Variants in PTPRK observed in about 807,000 individuals in gnomAD.
The protein encoded by PTPRK is protein tyrosine phosphatase receptor type K.
In PTPRK, 75 loss-of-function variants were observed where a neutral mutation model predicts 178.0. The ratio of observed to expected loss-of-function variants is 0.42; its 90% CI spans 0.35 to 0.51. The LOEUF (loss-of-function observed/expected upper bound fraction) is 0.51, where lower values mean the gene tolerates loss of function less well. PTPRK is among the 20% of genes least tolerant of loss of function. The pLI, the probability that PTPRK is intolerant of heterozygous loss-of-function variation, is 0.02. For missense variants in PTPRK, 1,441 were observed against 1,797.8 expected, an observed-to-expected ratio of 0.80 and a Z score of 3.59; for synonymous variants, 637 against 620.6, an observed-to-expected ratio of 1.03 and a Z score of -0.39.
At chr6:128,206,311 T>G (rs932982584) in intron 6 of PTPRK, among the ~76,000 whole-genome samples, 1 of 150,720 alleles carries the variant, frequency 6.6e-6, no homozygotes, top group South Asian at 2.1e-4. Context: ...AGAAACATAT[T>G]ATAAGAATCA....
intron 13 of PTPRK, chr6:128,062,293 C>A (rs1471337155): frequency 6.0e-6 from 1 of 166,474 alleles, no homozygotes; most frequent in Non-Finnish European, 1.5e-5. Context: ...CTCACTGCAG[C>A]CTCAAATTCC....
intron 1 of PTPRK, among the ~76,000 whole-genome samples, chr6:128,416,541 G>T (rs1254617305): frequency 6.6e-6 from 1 of 151,696 alleles, no homozygotes; most frequent in African/African-American, 2.4e-5. Flanking sequence ...CAGCTACTCG[G>T]GAGGGCTGAG....
chr6:128,257,846 G>C (rs1172829873), intron 3 of PTPRK, among the ~76,000 whole-genome samples: 1 of 151,954 alleles, frequency 6.6e-6, no homozygotes, highest in Non-Finnish European at 1.5e-5. Context: ...AGGTGTGATG[G>C]AAATTCATTT....
chr6:127,999,776 A>T (rs1387793748), intron 15 of PTPRK, among the ~76,000 whole-genome samples: 2 of 152,088 alleles, frequency 1.3e-5, no homozygotes, highest in African/African-American at 4.8e-5. Context: ...CCCAGTACAG[A>T]GACAGAATAT....
rs1445715492 is a variant in PTPRK, at chr6:127,998,884, C to T, written c.2515G>A (p.Ala839Thr). ...SPRYENHSAT[A>T]ESSRLLDVPR... The stretch of plus-strand genomic sequence containing the variant: ...ACGTCTAGAAGGCGACTGGACTCTG[C>T]TGTAGCACTGTGGTTCTCATCTGGC... Residue 839 changes from alanine to threonine, a missense_variant, in exon 16 of 30, where the codon GCA becomes ACA. By Grantham distance (58) the Ala-to-Thr change is moderately conservative (BLOSUM62 0). This residue lies in a region of PTPRK where 945 missense variants were observed against 1,080.6 expected (regional missense o/e 0.87). Coordinates refer to ENST00000368226, the MANE Select transcript of PTPRK (RefSeq NM_002844.4). The T allele has an allele frequency of 4.5e-6, 7 of 1,544,394 alleles. No homozygotes were observed. Among genetic ancestry groups the T allele is most frequent in the Non-Finnish European group, 4.4e-6 (5 of 1,141,534 alleles).
intron 13 of PTPRK, chr6:128,063,342 G>A (rs1781193423): frequency 6.6e-6 from 1 of 151,840 alleles, no homozygotes; most frequent in South Asian, 2.1e-4. Context: ...AATTTGTATC[G>A]AGAGAGCGAT....
intron 2 of PTPRK, among the ~76,000 whole-genome samples, chr6:128,350,501 C>G (rs1832979867): frequency 6.6e-6 from 1 of 152,128 alleles, no homozygotes; most frequent in Non-Finnish European, 1.5e-5. Context: ...CCAACGACCA[C>G]TGATAGAATC....
chr6:128,407,017 A>G (rs1357207837), intron 1 of PTPRK, among the ~76,000 whole-genome samples: 1 of 152,196 alleles, frequency 6.6e-6, no homozygotes. Context: ...GTTCATTTCT[A>G]TACCAACAAA....
intron 1 of PTPRK, among the ~76,000 whole-genome samples, chr6:128,453,858 T>C (rs1848087372): frequency 1.3e-5 from 2 of 152,056 alleles, no homozygotes; most frequent in South Asian, 2.1e-4. Flanking sequence ...TGAAAACTGA[T>C]ACATAAGGAA....
chr6:128,141,418 A>G (rs1795750947), intron 7 of PTPRK, among the ~76,000 whole-genome samples: 1 of 151,940 alleles, frequency 6.6e-6, no homozygotes, highest in Admixed American at 6.6e-5. Flanking sequence ...GTTACAAAGA[A>G]CATTGTGAAA....
At chr6:128,060,012 A>G (rs565505584) in intron 13 of PTPRK, among the ~76,000 whole-genome samples, 99 of 152,236 alleles carry the variant, frequency 6.5e-4, no homozygotes, top group Admixed American at 2.5e-3. Flanking sequence ...TGACTTGGCT[A>G]TTTCTCTAGG....
At chr6:128,481,341 AT>A (rs1852051372) in intron 1 of PTPRK, among the ~76,000 whole-genome samples, 1 of 151,992 alleles carries the variant, frequency 6.6e-6, no homozygotes. Context: ...CTTTTTTCAT[AT>A]TTGCAATTTT....
intron 2 of PTPRK, among the ~76,000 whole-genome samples, chr6:128,335,697 T>C (rs1830826323): frequency 6.6e-6 from 1 of 152,014 alleles, no homozygotes; most frequent in East Asian, 1.9e-4. Context: ...TAAAAGCGAA[T>C]GGTGCCATCT....
At chr6:128,098,261 T>A (rs1420635434) in intron 7 of PTPRK, among the ~76,000 whole-genome samples, 1 of 152,174 alleles carries the variant, frequency 6.6e-6, no homozygotes, top group Admixed American at 6.5e-5. Context: ...GTTGTCACAC[T>A]GTTTGCCATG....
chr6:128,114,393 G>A (rs1023650824), intron 7 of PTPRK, among the ~76,000 whole-genome samples: 3 of 151,824 alleles, frequency 2.0e-5, no homozygotes, highest in South Asian at 2.1e-4. Flanking sequence ...GGAGGTGGGC[G>A]GATCACCTAA....
At chr6:128,011,600 T>C (rs201453920) in intron 13 of PTPRK, among the ~76,000 whole-genome samples, 1 of 151,076 alleles carries the variant, frequency 6.6e-6, no homozygotes, top group East Asian at 1.9e-4. Flanking sequence ...ATATAAACTA[T>C]CATCATGAAG....
chr6:128,308,306 TAGAG>T (rs1385156623), intron 3 of PTPRK, among the ~76,000 whole-genome samples: 11 of 151,996 alleles, frequency 7.2e-5, no homozygotes, highest in African/African-American at 9.7e-5. Flanking sequence ...AAGTGATTAA[TAGAG>T]AGAAACTTTT....
intron 6 of PTPRK, among the ~76,000 whole-genome samples, chr6:128,212,542 G>C (rs549405224): frequency 7.2e-5 from 11 of 152,156 alleles, no homozygotes; most frequent in African/African-American, 2.2e-4. Flanking sequence ...TCCAAGAGAA[G>C]AGAATTGAAA....
At chr6:128,219,356 A>G (rs1050934615) in intron 5 of PTPRK, among the ~76,000 whole-genome samples, 6 of 152,176 alleles carry the variant, frequency 3.9e-5, no homozygotes, top group African/African-American at 1.4e-4. Context: ...TCAGGATGAA[A>G]CTGTTCCACC....
Sources: allele counts gnomAD v4.1 joint callset (sites outside exome capture counted in the v4.1 genomes callset), GRCh38; gene constraint gnomAD v4.1.1; regional missense constraint gnomAD v4.1.1; transcripts MANE v1.5; gene names NCBI Gene and HGNC (gene_info 2026-07-23, HGNC 2026-07-21).